GFRA1: variants seen among roughly 807,000 people sequenced by gnomAD.
GFRA1 encodes GDNF family receptor alpha 1, also known as GDNF family receptor alpha-1.
In GFRA1, 16 loss-of-function variants were observed where a neutral mutation model predicts 51.6. That is an observed-to-expected ratio of 0.31 (90% confidence interval 0.21 to 0.47). The LOEUF (loss-of-function observed/expected upper bound fraction) is 0.47. GFRA1 is among the 20% of genes least tolerant of loss of function. The probability of loss-of-function intolerance (pLI) is 1.00; values close to 1 mark genes in which losing one functional copy is unlikely to be tolerated. For synonymous variants in GFRA1, 270 were observed against 241.3 expected (o/e 1.12, Z -1.10); for missense variants, 530 against 594.3 (o/e 0.89, Z 1.13).
intron 4 of GFRA1, chr10:116,255,557 G>A: frequency 7.9e-7 from 1 of 1,271,668 alleles, no homozygotes; most frequent in Non-Finnish European, 1.0e-6. Flanking sequence ...CTCAACACAG[G>A]ACTAGCATAT....
chr10:116,260,562 C>T (rs986483046), intron 4 of GFRA1, among the ~76,000 whole-genome samples: 3 of 152,022 alleles, frequency 2.0e-5, no homozygotes, highest in Admixed American at 1.3e-4. Flanking sequence ...GAAGAAAGAT[C>T]GTAAAAGAGT....
intron 6 of GFRA1, among the ~76,000 whole-genome samples, chr10:116,109,174 C>T (rs1957105435): frequency 6.6e-6 from 1 of 152,198 alleles, no homozygotes; most frequent in South Asian, 2.1e-4. Flanking sequence ...AGGTCCACGA[C>T]CAGCCCAAAG....
At chr10:116,142,087 A>G (rs1367323071) in intron 5 of GFRA1, among the ~76,000 whole-genome samples, 1 of 151,976 alleles carries the variant, frequency 6.6e-6, no homozygotes. Context: ...AGAGCTTTCC[A>G]TTAGTACGAA....
At chr10:116,162,924 G>A (rs558157439) in intron 5 of GFRA1, among the ~76,000 whole-genome samples, 1 of 152,250 alleles carries the variant, frequency 6.6e-6, no homozygotes, top group Admixed American at 6.5e-5. Flanking sequence ...TCGCCTGTCT[G>A]AACATATACC....
intron 6 of GFRA1, among the ~76,000 whole-genome samples, chr10:116,115,492 C>G: frequency 6.6e-6 from 1 of 152,074 alleles, no homozygotes; most frequent in East Asian, 1.9e-4. Context: ...CAGCCCAGCC[C>G]AGCCCTGCCC....
chr10:116,188,784 C>G (rs1300834965), intron 5 of GFRA1, among the ~76,000 whole-genome samples: 1 of 151,538 alleles, frequency 6.6e-6, no homozygotes, highest in African/African-American at 2.4e-5. Context: ...GCCTGTAATC[C>G]CAGCTACATG....
intron 6 of GFRA1, among the ~76,000 whole-genome samples, chr10:116,116,787 G>A (rs1188407582): frequency 6.6e-6 from 1 of 152,218 alleles, no homozygotes; most frequent in Admixed American, 6.5e-5. Flanking sequence ...TAATGAGCTT[G>A]TATTACCTGA....
chr10:116,080,705 A>G (rs993910253), intron 9 of GFRA1, among the ~76,000 whole-genome samples: 1 of 152,114 alleles, frequency 6.6e-6, no homozygotes, highest in Non-Finnish European at 1.5e-5. Context: ...TGAGTGTCCG[A>G]GTAATGGGAT....
intron 5 of GFRA1, among the ~76,000 whole-genome samples, chr10:116,128,438 CT>C (rs1261915019): frequency 2.6e-5 from 4 of 152,090 alleles, no homozygotes; most frequent in Non-Finnish European, 5.9e-5. Context: ...AAAAATTGGC[CT>C]AGTGTGCCAG....
At chr10:116,093,014 GGAA>G (rs1565569317) in intron 8 of GFRA1, among the ~76,000 whole-genome samples, 1 of 152,076 alleles carries the variant, frequency 6.6e-6, no homozygotes, top group Admixed American at 6.6e-5. Flanking sequence ...TGTCCCTTTG[GGAA>G]ACGTGTTTCC....
At chr10:116,109,662 G>A (rs1399833858) in intron 6 of GFRA1, among the ~76,000 whole-genome samples, 11 of 152,220 alleles carry the variant, frequency 7.2e-5, no homozygotes, top group African/African-American at 2.4e-4. Flanking sequence ...CCGGGCCCAC[G>A]GGGAGAAACC....
chr10:116,092,139 ATT>A (rs1956375693), intron 8 of GFRA1, among the ~76,000 whole-genome samples: 2 of 149,042 alleles, frequency 1.3e-5, no homozygotes, highest in South Asian at 2.1e-4. Context: ...ACACACACAC[ATT>A]TTCAGTCGAG....
chr10:116,239,322 G>A (rs1324044120), intron 4 of GFRA1, among the ~76,000 whole-genome samples: 1 of 152,104 alleles, frequency 6.6e-6, no homozygotes, highest in Non-Finnish European at 1.5e-5. Context: ...AAATTCAAGC[G>A]GGGCTTTGCC....
Position 116,089,936 on chromosome 10 carries a change from G to C in GFRA1, c.1016-14C>G, listed in dbSNP as rs941539335. ...GAATTGCATTTTCTGCAGTAAAACA[G>C]GAGGAAATCCAATTTCAAAGTCAAG... On this transcript the variant is annotated splice_polypyrimidine_tract_variant and intron_variant, in intron 8 of 10. Coordinates refer to ENST00000355422, the MANE Select transcript of GFRA1 (RefSeq NM_005264.8). 3.1e-6 allele frequency: 5 copies of C among 1,605,564 alleles called. No individual in the cohort carries two copies. The highest frequency in any genetic ancestry group is 4.3e-6 in the Non-Finnish European group (5 of 1,175,476).
In GFRA1 at chr10:116,062,534, G is replaced by A. The variant is rs1402805709; in HGVS notation, c.*1864C>T. 1.3e-5 allele frequency: 2 copies of A among 155,094 alleles called. No individual in the cohort carries two copies. Among genetic ancestry groups the A allele is most frequent in the Admixed American group, 1.3e-4 (2 of 15,348 alleles). The allele number at this position is 155,094 out of a possible 1,614,324, so 9.6% of individuals were successfully genotyped here. On this transcript the variant is annotated 3_prime_UTR_variant, in exon 11 of 11. Coordinates refer to ENST00000355422, the MANE Select transcript of GFRA1 (RefSeq NM_005264.8). ...GCTGAAAGACTATGCCTTTATCTTGGATTTCATAGATTTCCCCTTCCCCCC... is the reference window on the plus strand; with the variant it reads ...GCTGAAAGACTATGCCTTTATCTTGAATTTCATAGATTTCCCCTTCCCCCC...
At chr10:116,189,918 A>G (rs1200615884) in intron 5 of GFRA1, among the ~76,000 whole-genome samples, 1 of 151,934 alleles carries the variant, frequency 6.6e-6, no homozygotes, top group Admixed American at 6.6e-5. Context: ...TCTTTTCCTG[A>G]TGAAGGTGAA....
chr10:116,091,894 C>T (rs988838939), intron 8 of GFRA1, among the ~76,000 whole-genome samples: 1 of 152,116 alleles, frequency 6.6e-6, no homozygotes, highest in South Asian at 2.1e-4. Context: ...AAGTCATTAA[C>T]AATGAGACAC....
intron 5 of GFRA1, among the ~76,000 whole-genome samples, chr10:116,202,336 G>A (rs2134394085): frequency 6.6e-6 from 1 of 152,338 alleles, no homozygotes; most frequent in Non-Finnish European, 1.5e-5. Context: ...AAAAGCAGCA[G>A]TATATCTATA....
chr10:116,183,038 G>T (rs1217697811), intron 5 of GFRA1, among the ~76,000 whole-genome samples: 1 of 152,162 alleles, frequency 6.6e-6, no homozygotes, highest in Non-Finnish European at 1.5e-5. Context: ...GACACATTTT[G>T]CCCTCTTCAT....
Sources: gnomAD v4.1 joint callset for allele counts (sites outside exome capture counted in the v4.1 genomes callset) on GRCh38, gnomAD v4.1.1 for gene constraint, MANE v1.5 for transcripts, NCBI Gene and HGNC (gene_info 2026-07-23, HGNC 2026-07-21) for gene names.